Variants in ADAM10 observed in about 807,000 individuals in gnomAD.
The protein encoded by ADAM10 is ADAM metallopeptidase domain 10, also known as disintegrin and metalloproteinase domain-containing protein 10.
ADAM10 carries 17 observed loss-of-function variants against 90.1 expected under a neutral mutation model. The observed-to-expected ratio is 0.19, with a 90% CI of 0.13 to 0.28. ADAM10 has a LOEUF of 0.28. Among genes scored for constraint, ADAM10 ranks in the 10% least tolerant of loss-of-function variants. The pLI is 1.00. For synonymous variants in ADAM10, 310 were observed against 298.6 expected (o/e 1.04, Z -0.40); for missense variants, 610 against 914.3 (o/e 0.67, Z 4.29).
At chr15:58,688,965 G>A (rs187572132) in intron 2 of ADAM10, among the ~76,000 whole-genome samples, 17 of 145,808 alleles carry the variant, frequency 1.2e-4, no homozygotes, top group East Asian at 9.9e-4. Flanking sequence ...ATAAAGAAGC[G>A]AGAGGAGACA....
chr15:58,717,946 G>T (rs991839582), intron 1 of ADAM10, among the ~76,000 whole-genome samples: 4 of 152,062 alleles, frequency 2.6e-5, no homozygotes, highest in Admixed American at 2.6e-4. Context: ...CCATAGGTTT[G>T]TTTTAGATGT....
At chr15:58,645,138 G>C (rs1034222382) in intron 6 of ADAM10, among the ~76,000 whole-genome samples, 2 of 152,144 alleles carry the variant, frequency 1.3e-5, no homozygotes, top group Non-Finnish European at 2.9e-5. Context: ...AAACAAGATG[G>C]TCAAGTAAAA....
At chr15:58,716,194 T>C (rs533917924) in intron 2 of ADAM10, among the ~76,000 whole-genome samples, 38 of 152,338 alleles carry the variant, frequency 2.5e-4, no homozygotes, top group African/African-American at 9.1e-4. Context: ...TTTCACAGCA[T>C]TCCTAATTAT....
intron 1 of ADAM10, among the ~76,000 whole-genome samples, chr15:58,725,224 T>G (rs367734839): frequency 1.3e-5 from 2 of 151,892 alleles, no homozygotes; most frequent in South Asian, 2.1e-4. Context: ...TCGTATTTAT[T>G]ATATGAATAT....
intron 2 of ADAM10, chr15:58,691,184 T>C (rs762386000): frequency 4.3e-5 from 31 of 726,178 alleles, no homozygotes; most frequent in South Asian, 4.2e-4. Context: ...CCTTCTTATC[T>C]AAGATTTCTT....
At position 58,736,307 on chromosome 15, in the gene ADAM10, G is replaced by A. The variant is rs143826046; in HGVS notation, c.55+13173C>T. Among the ~76,000 whole-genome samples, 1,280 of 152,240 alleles carry A rather than the reference G, an allele frequency of 8.4e-3. 18 individuals carry two copies. The highest frequency in any genetic ancestry group is 0.029 in the African/African-American group (1,213 of 41,540). On this transcript the variant is annotated intron_variant, in intron 1 of 15. Transcript: ENST00000260408. Reference sequence around the variant, plus strand: ...CTTTATTTCACCTACACAGAAAAGCGCACCAACAGCATTTAACTTTCTTGT... The same window carrying A: ...CTTTATTTCACCTACACAGAAAAGCACACCAACAGCATTTAACTTTCTTGT...
chr15:58,679,077 T>C, intron 4 of ADAM10, 47 bp downstream of exon 4: 1 of 1,547,488 alleles, frequency 6.5e-7, no homozygotes, highest in Non-Finnish European at 8.9e-7. Context: ...GTTTTAACTA[T>C]CATATGCCTT....
chr15:58,656,049 C>T (rs1355794445), intron 5 of ADAM10, among the ~76,000 whole-genome samples: 3 of 151,926 alleles, frequency 2.0e-5, no homozygotes, highest in Non-Finnish European at 2.9e-5. Context: ...GCCCAGCCCC[C>T]TTTATAATTA....
intron 6 of ADAM10, 135 bp from the exon 7 acceptor site, chr15:58,644,113 A>G: frequency 1.5e-6 from 1 of 678,458 alleles, no homozygotes; most frequent in Middle Eastern, 4.0e-4. Context: ...TATATACTGG[A>G]CATAAATATA....
intron 1 of ADAM10, among the ~76,000 whole-genome samples, chr15:58,718,373 C>T (rs1439715903): frequency 1.3e-5 from 2 of 152,078 alleles, no homozygotes; most frequent in African/African-American, 4.8e-5. Context: ...ATTCAATTTA[C>T]TGTAATTTTG....
At chr15:58,604,396 T>G (rs1895209363) in intron 14 of ADAM10, among the ~76,000 whole-genome samples, 1 of 152,110 alleles carries the variant, frequency 6.6e-6, no homozygotes, top group South Asian at 2.1e-4. Context: ...AGCTCTGGCG[T>G]TATCTCCTTA....
At chr15:58,734,454 TAAAC>T (rs1307984228) in intron 1 of ADAM10, among the ~76,000 whole-genome samples, 1 of 152,198 alleles carries the variant, frequency 6.6e-6, no homozygotes, top group Non-Finnish European at 1.5e-5. Context: ...ACCTTCATCA[TAAAC>T]AAGGTAAGTC....
At chr15:58,665,743 G>GTT (rs1195605845) in intron 4 of ADAM10, among the ~76,000 whole-genome samples, 3 of 151,924 alleles carry the variant, frequency 2.0e-5, no homozygotes, top group African/African-American at 4.8e-5. Flanking sequence ...TTACGTGACT[G>GTT]TATCACTGAC....
chr15:58,687,113 A>C (rs1287031667), intron 2 of ADAM10, among the ~76,000 whole-genome samples: 1 of 152,256 alleles, frequency 6.6e-6, no homozygotes, highest in Non-Finnish European at 1.5e-5. Context: ...CAGAAAGTAC[A>C]AATTGCTGGG....
At chr15:58,717,866 TA>T (rs1898717296) in intron 1 of ADAM10, 139 bp from the exon 2 acceptor site, 1 of 1,255,666 alleles carries the variant, frequency 8.0e-7, no homozygotes, top group East Asian at 2.6e-5. Flanking sequence ...TCTGCATTAA[TA>T]TTAACACATA....
chr15:58,610,093 A>G, intron 14 of ADAM10: 1 of 610,860 alleles, frequency 1.6e-6, no homozygotes, highest in South Asian at 1.9e-5. Context: ...ATCACCTACT[A>G]AGCAATCTAT....
chr15:58,723,574 T>C (rs1262121838), intron 1 of ADAM10, among the ~76,000 whole-genome samples: 2 of 151,954 alleles, frequency 1.3e-5, no homozygotes, highest in African/African-American at 4.8e-5. Flanking sequence ...CCGTGGTGAC[T>C]GACGCCTGTA....
intron 6 of ADAM10, 102 bp downstream of exon 6, chr15:58,645,952 CT>C: frequency 7.7e-7 from 1 of 1,304,160 alleles, no homozygotes; most frequent in South Asian, 1.2e-5. Flanking sequence ...AAAACACATA[CT>C]TTTTCCCAAA....
At chr15:58,648,187 C>T (rs1380259610) in intron 5 of ADAM10, among the ~76,000 whole-genome samples, 1 of 152,132 alleles carries the variant, frequency 6.6e-6, no homozygotes, top group Non-Finnish European at 1.5e-5. Context: ...GATATATACA[C>T]AATAAAACTT....
Sources: allele counts gnomAD v4.1 joint callset (sites outside exome capture counted in the v4.1 genomes callset), GRCh38; gene constraint gnomAD v4.1.1; transcripts MANE v1.5; gene names NCBI Gene and HGNC (gene_info 2026-07-23, HGNC 2026-07-21).